The following ROBO2 variants were observed in gnomAD, a reference collection of about 807,000 sequenced individuals.
The protein encoded by ROBO2 is roundabout homolog 2.
ROBO2 carries 53 observed loss-of-function variants against 160.8 expected under a neutral mutation model. That is an observed-to-expected ratio of 0.33 (90% confidence interval 0.26 to 0.41). The LOEUF (loss-of-function observed/expected upper bound fraction) is 0.41. ROBO2 is among the 10% of genes least tolerant of loss of function. ROBO2 has a pLI of 1.00. For synonymous variants in ROBO2, 664 were observed against 611.7 expected (o/e 1.09, Z -1.26); for missense variants, 1,577 against 1,722.4 (o/e 0.92, Z 1.49).
intron 2 of ROBO2, among the ~76,000 whole-genome samples, chr3:76,573,290 CAG>C (rs1317843067): frequency 6.6e-6 from 1 of 152,056 alleles, no homozygotes; most frequent in Admixed American, 6.6e-5. Flanking sequence ...AGCTACATAA[CAG>C]AGTGGTTTTA....
intron 2 of ROBO2, among the ~76,000 whole-genome samples, chr3:76,519,064 A>T (rs1236519321): frequency 6.6e-6 from 1 of 152,194 alleles, no homozygotes; most frequent in East Asian, 1.9e-4. Flanking sequence ...TTCCCAGAGG[A>T]TGTGACGTTT....
intron 2 of ROBO2, among the ~76,000 whole-genome samples, chr3:76,505,300 T>C (rs2080735838): frequency 6.6e-6 from 1 of 152,078 alleles, no homozygotes. Context: ...CCATCGGTTG[T>C]TTCCTCAATT....
chr3:76,542,404 G>A (rs2108247819), intron 2 of ROBO2, among the ~76,000 whole-genome samples: 1 of 152,186 alleles, frequency 6.6e-6, no homozygotes, highest in East Asian at 1.9e-4. Context: ...CTGTAAAGAT[G>A]GGAAGTCCAG....
intron 1 of ROBO2, among the ~76,000 whole-genome samples, chr3:75,923,684 T>C (rs1479439798): frequency 6.6e-6 from 1 of 152,080 alleles, no homozygotes; most frequent in African/African-American, 2.4e-5. Context: ...GAAATAAGGG[T>C]AGGCTCGGGA....
At chr3:76,750,978 A>G (rs1271170605) in intron 2 of ROBO2, among the ~76,000 whole-genome samples, 1 of 152,100 alleles carries the variant, frequency 6.6e-6, no homozygotes. Flanking sequence ...AAAAGAGCCC[A>G]CATTGCCAAG....
chr3:77,165,261 C>T (rs1336038781), intron 2 of ROBO2, among the ~76,000 whole-genome samples: 1 of 148,600 alleles, frequency 6.7e-6, no homozygotes, highest in South Asian at 2.2e-4. Flanking sequence ...TGTGACCTTA[C>T]CCCCAACCCT....
intron 2 of ROBO2, among the ~76,000 whole-genome samples, chr3:76,487,715 T>C (rs942460739): frequency 1.4e-4 from 22 of 152,034 alleles, no homozygotes; most frequent in Admixed American, 9.2e-4. Flanking sequence ...CAGAGACTCA[T>C]CAGATCTCCA....
chr3:77,414,031 C>T (rs1015837494), intron 2 of ROBO2, among the ~76,000 whole-genome samples: 2 of 151,694 alleles, frequency 1.3e-5, no homozygotes, highest in African/African-American at 4.8e-5. Flanking sequence ...CAAGACTGAG[C>T]TTTGGATCAG....
chr3:77,184,114 A>G (rs1040333839), intron 2 of ROBO2, among the ~76,000 whole-genome samples: 2 of 152,064 alleles, frequency 1.3e-5, no homozygotes, highest in African/African-American at 4.8e-5. Context: ...TTAATGAATG[A>G]AGGCTCTGGA....
chr3:76,384,563 G>A (rs1165373720), intron 2 of ROBO2, among the ~76,000 whole-genome samples: 1 of 152,148 alleles, frequency 6.6e-6, no homozygotes, highest in Non-Finnish European at 1.5e-5. Context: ...CTGCTATATA[G>A]AACTGCCCAA....
chr3:76,613,069 T>A (rs1427254519), intron 2 of ROBO2, among the ~76,000 whole-genome samples: 5 of 152,282 alleles, frequency 3.3e-5, no homozygotes, highest in African/African-American at 1.2e-4. Context: ...AGCCACTCTG[T>A]GTCTTTTGAT....
intron 2 of ROBO2, among the ~76,000 whole-genome samples, chr3:77,151,236 A>G (rs2077523725): frequency 1.3e-5 from 2 of 152,178 alleles, no homozygotes; most frequent in African/African-American, 4.8e-5. Flanking sequence ...GGTATATGAG[A>G]ACATAAAAAT....
intron 2 of ROBO2, among the ~76,000 whole-genome samples, chr3:76,416,231 G>GTCTA (rs1238410100): frequency 2.6e-5 from 4 of 152,138 alleles, no homozygotes; most frequent in African/African-American, 9.6e-5. Flanking sequence ...GGCCCTGAAT[G>GTCTA]TCTATAATAG....
chr3:77,024,515 G>A lies in ROBO2; in HGVS notation c.110-73499G>A, dbSNP rs185712258. On this transcript the variant is annotated intron_variant, in intron 2 of 26. Transcript: ENST00000487694. Reference sequence around the variant, plus strand: ...TGAACATAAGCATATACAATGCTATGATCTGGTGTTTAGGGAGAATGGTGT... The same window carrying A: ...TGAACATAAGCATATACAATGCTATAATCTGGTGTTTAGGGAGAATGGTGT... Among the ~76,000 whole-genome samples the A allele has an allele frequency of 4.6e-5, 7 of 152,224 alleles. No homozygotes were observed. The East Asian group carries it at 1.4e-3, about 29-fold the overall frequency.
chr3:77,267,095 A>G lies in ROBO2; in HGVS notation c.388+168755A>G, dbSNP rs2059171014. Reference sequence around the variant, plus strand: ...ACTCACAAAGCTTTAAATTTTATTCAAGACATTGAAACATAAAAGTTCAGG... The same window carrying G: ...ACTCACAAAGCTTTAAATTTTATTCGAGACATTGAAACATAAAAGTTCAGG... On this transcript the variant is annotated intron_variant, in intron 2 of 25. Coordinates refer to ENST00000461745, the Ensembl canonical transcript of ROBO2. Among the ~76,000 whole-genome samples, 3 of 152,146 alleles carry G rather than the reference A, an allele frequency of 2.0e-5. No homozygotes were observed. In the South Asian group the frequency reaches 6.2e-4, roughly 31 times the overall value.
chr3:76,651,111 C>G (rs1482484770), intron 2 of ROBO2, among the ~76,000 whole-genome samples: 1 of 152,088 alleles, frequency 6.6e-6, no homozygotes, highest in Admixed American at 6.6e-5. Context: ...CCCATAATTG[C>G]CAGTTGAAAA....
intron 2 of ROBO2, among the ~76,000 whole-genome samples, chr3:76,917,372 C>T (rs1037650287): frequency 1.3e-5 from 2 of 152,078 alleles, no homozygotes; most frequent in Non-Finnish European, 1.5e-5. Context: ...GCAGGCAACA[C>T]TTAACATGGA....
chr3:76,993,444 A>G (rs961008876), intron 2 of ROBO2, among the ~76,000 whole-genome samples: 1 of 152,170 alleles, frequency 6.6e-6, no homozygotes, highest in African/African-American at 2.4e-5. Context: ...TATCCCCAAA[A>G]TGTCTTCATT....
rs148122216 is a variant in ROBO2, at chr3:76,143,515, A to G, written c.109+205913A>G. Among the ~76,000 whole-genome samples, 14 of 152,214 alleles carry G rather than the reference A, an allele frequency of 9.2e-5. No homozygotes were observed. The East Asian group carries it at 2.7e-3, about 29-fold the overall frequency. Reference sequence around the variant, plus strand: ...CAATAAAGATATTTTGCATATCTCTATTGGTAGATCATGCCATGAACTAGC... The same window carrying G: ...CAATAAAGATATTTTGCATATCTCTGTTGGTAGATCATGCCATGAACTAGC... On this transcript the variant is annotated intron_variant, in intron 2 of 26. Coordinates refer to the ROBO2 transcript ENST00000487694.
Sources: allele counts gnomAD v4.1 joint callset (sites outside exome capture counted in the v4.1 genomes callset), GRCh38; gene constraint gnomAD v4.1.1; transcripts MANE v1.5; gene names NCBI Gene and HGNC (gene_info 2026-07-23, HGNC 2026-07-21).